The following CPVL variants were observed in gnomAD, a reference collection of about 807,000 sequenced individuals.
The protein encoded by CPVL is probable serine carboxypeptidase CPVL.
Under a neutral mutation model 63.7 loss-of-function variants are expected in CPVL, and 51 were observed. That is an observed-to-expected ratio of 0.80 (90% confidence interval 0.64 to 1.01). The LOEUF is 1.01. Ranked by LOEUF, CPVL falls within the 50% of genes least tolerant of loss-of-function variation. The probability of loss-of-function intolerance (pLI) is 0.00; values close to 1 mark genes in which losing one functional copy is unlikely to be tolerated. For synonymous variants in CPVL, 195 were observed against 206.0 expected, an observed-to-expected ratio of 0.95 and a Z score of 0.46; for missense variants, 530 against 573.1, an observed-to-expected ratio of 0.92 and a Z score of 0.77.
At chr7:29,157,964 G>A (rs953471122) in intron 5 of CPVL, among the ~76,000 whole-genome samples, 5 of 152,158 alleles carry the variant, frequency 3.3e-5, no homozygotes, top group African/African-American at 4.8e-5. Context: ...CACTCCTAAA[G>A]AGATGTTTTT....
chr7:29,015,501 G>A (rs1036176845), intron 12 of CPVL, among the ~76,000 whole-genome samples: 6 of 152,158 alleles, frequency 3.9e-5, no homozygotes, highest in African/African-American at 9.7e-5. Flanking sequence ...GTTTAAAGGT[G>A]TGTGGCATCT....
At chr7:29,007,875 T>C (rs541075961) in intron 12 of CPVL, among the ~76,000 whole-genome samples, 6 of 152,314 alleles carry the variant, frequency 3.9e-5, no homozygotes, top group Admixed American at 2.6e-4. Flanking sequence ...CTAAGGGGTA[T>C]GCTACAAAAA....
upstream of CPVL, chr7:29,147,410 CAG>C (rs752239408): frequency 1.3e-4 from 20 of 158,630 alleles, no homozygotes; most frequent in South Asian, 2.0e-4. Flanking sequence ...ACCCGACAGT[CAG>C]GGGGAAAAAT....
chr7:29,119,162 C>T (rs1017329598), intron 2 of CPVL, among the ~76,000 whole-genome samples: 2 of 152,132 alleles, frequency 1.3e-5, no homozygotes, highest in African/African-American at 2.4e-5. Flanking sequence ...ATCATTTACT[C>T]GCACAGTGAT....
intron 5 of CPVL, among the ~76,000 whole-genome samples, chr7:29,158,807 A>G (rs1794783721): frequency 6.6e-6 from 1 of 152,200 alleles, no homozygotes; most frequent in South Asian, 2.1e-4. Flanking sequence ...CCTATTTTAA[A>G]TATTTACAGA....
At chr7:29,020,203 A>G (rs372863168) in intron 12 of CPVL, among the ~76,000 whole-genome samples, 56 of 152,292 alleles carry the variant, frequency 3.7e-4, no homozygotes, top group African/African-American at 1.2e-3. Flanking sequence ...TTCAGGGGAT[A>G]TAAAATAACA....
At chr7:29,118,661 A>G (rs1584313693) in intron 2 of CPVL, among the ~76,000 whole-genome samples, 1 of 152,240 alleles carries the variant, frequency 6.6e-6, no homozygotes, top group Non-Finnish European at 1.5e-5. Flanking sequence ...GTGTAAAACG[A>G]AAACCAAAAA....
chr7:29,135,932 TTTTG>T (rs1254353461), intron 1 of CPVL, among the ~76,000 whole-genome samples: 2 of 152,184 alleles, frequency 1.3e-5, no homozygotes, highest in African/African-American at 2.4e-5. Context: ...AGCCAGTTTT[TTTTG>T]TTTGTTTGTT....
intron 1 of CPVL, among the ~76,000 whole-genome samples, chr7:29,191,084 T>A (rs528336466): frequency 6.6e-6 from 1 of 152,098 alleles, no homozygotes; most frequent in East Asian, 1.9e-4. Context: ...ACAGGTTAAC[T>A]ACAACGCCTG....
intron 2 of CPVL, chr7:29,113,818 G>A (rs1788493181): frequency 6.6e-6 from 1 of 152,654 alleles, no homozygotes; most frequent in African/African-American, 2.4e-5. Context: ...GTCAGGAAGG[G>A]AGTGGCAAAG....
chr7:29,038,133 T>C (rs1788731622), intron 11 of CPVL, among the ~76,000 whole-genome samples: 2 of 152,174 alleles, frequency 1.3e-5, no homozygotes, highest in Admixed American at 1.3e-4. Context: ...AATGGTGTTG[T>C]TGTAACTGTT....
intron 12 of CPVL, among the ~76,000 whole-genome samples, chr7:29,022,742 C>T (rs925532841): frequency 6.6e-6 from 1 of 152,228 alleles, no homozygotes; most frequent in Non-Finnish European, 1.5e-5. Context: ...GAGGACAGCT[C>T]CAGCTCACCT....
chr7:29,112,850 G>A (rs1269340475), intron 2 of CPVL, 28 bp from the exon 3 acceptor site: 8 of 1,463,442 alleles, frequency 5.5e-6, no homozygotes, highest in Non-Finnish European at 7.7e-6. Flanking sequence ...ATTTACCCAA[G>A]GATTACAGAA....
At chr7:29,143,947 G>C (rs1021733929) in intron 1 of CPVL, among the ~76,000 whole-genome samples, 1 of 152,168 alleles carries the variant, frequency 6.6e-6, no homozygotes, top group Non-Finnish European at 1.5e-5. Flanking sequence ...GTTCAGATAC[G>C]CTGTAACAGC....
chr7:29,128,693 C>A (rs6952968), intron 1 of CPVL, among the ~76,000 whole-genome samples: 3,213 of 124,768 alleles, frequency 0.026, 128 homozygotes, highest in African/African-American at 0.092. Context: ...CCAGCCTGGG[C>A]AACAGAGTAA....
intron 12 of CPVL, chr7:28,996,123 GAGTGTAAA>G: frequency 2.5e-6 from 1 of 406,920 alleles, no homozygotes; most frequent in East Asian, 4.8e-5. Context: ...CTTTTCTCAT[GAGTGTAAA>G]AATTGAAAAT....
At position 29,072,322 on chromosome 7, in the gene CPVL, A is replaced by G. The variant is rs747697959; in HGVS notation, c.711T>C (p.Asp237=). The G allele has an allele frequency of 6.2e-7, 1 of 1,614,140 alleles. No homozygotes were observed. The highest frequency in any genetic ancestry group is 1.1e-5 in the South Asian group (1 of 91,080). Residue 237 remains aspartate (D), a synonymous_variant, in exon 8 of 13, where the codon GAT becomes GAC. Coordinates refer to ENST00000265394, the MANE Select transcript of CPVL (RefSeq NM_031311.5). ...KINLNGIAIG[D]GYSDPESIIG... ...CTACTGATTCGGGATCAGAATATCCATCTCCAATAGCAATTCCGTTCAGGT... is the reference window on the plus strand; with the variant it reads ...CTACTGATTCGGGATCAGAATATCCGTCTCCAATAGCAATTCCGTTCAGGT...
intron 11 of CPVL, among the ~76,000 whole-genome samples, chr7:29,043,706 G>A (rs983880622): frequency 2.6e-5 from 4 of 152,208 alleles, no homozygotes; most frequent in South Asian, 4.1e-4. Context: ...ACAGTCATAA[G>A]CAAGTAGATG....
chr7:29,190,710 T>G (rs1782780538), intron 1 of CPVL, among the ~76,000 whole-genome samples: 1 of 152,232 alleles, frequency 6.6e-6, no homozygotes, highest in Non-Finnish European at 1.5e-5. Flanking sequence ...CGTCAAGTTC[T>G]TTCTTTTGCT....
Sources: allele counts gnomAD v4.1 joint callset (sites outside exome capture counted in the v4.1 genomes callset), GRCh38; gene constraint gnomAD v4.1.1; transcripts MANE v1.5; gene names NCBI Gene and HGNC (gene_info 2026-07-23, HGNC 2026-07-21).